FIGN: variants seen among roughly 807,000 people sequenced by gnomAD.
The protein encoded by FIGN is fidgetin, microtubule severing factor, also known as fidgetin.
A neutral mutation model predicts 51.3 loss-of-function variants in FIGN; 11 were observed. The observed-to-expected ratio is 0.21, with a 90% CI of 0.13 to 0.35. FIGN has a LOEUF of 0.35. Ranked by LOEUF, FIGN falls within the 10% of genes least tolerant of loss-of-function variation. The probability of loss-of-function intolerance (pLI) is 1.00; values close to 1 mark genes in which losing one functional copy is unlikely to be tolerated. For missense variants in FIGN, 857 were observed against 943.6 expected, an observed-to-expected ratio of 0.91 and a Z score of 1.20; for synonymous variants, 407 against 363.2, an observed-to-expected ratio of 1.12 and a Z score of -1.37.
intron 2 of FIGN, among the ~76,000 whole-genome samples, chr2:163,613,517 A>C (rs780101804): frequency 3.9e-5 from 6 of 152,042 alleles, no homozygotes; most frequent in Non-Finnish European, 4.4e-5. Flanking sequence ...AACTGAACAT[A>C]ACACACAGTT....
In FIGN at chr2:163,605,636, A is replaced by G. The variant is rs1319478374; in HGVS notation, c.*3916T>C. The stretch of plus-strand genomic sequence containing the variant: ...ACATACAAACACACACACTAATTTT[A>G]TATTTATATATATATATTAGAACTT... On this transcript the variant is annotated 3_prime_UTR_variant, in exon 3 of 3. Transcript: ENST00000333129. 1 of 151,550 alleles carries G rather than the reference A, an allele frequency of 6.6e-6. No individual in the cohort carries two copies. The highest frequency in any genetic ancestry group is 1.5e-5 in the Non-Finnish European group (1 of 67,906). The allele number at this position is 151,550 out of a possible 1,614,324, so 9.4% of individuals were successfully genotyped here. A position where few individuals can be genotyped will look rare whatever the true frequency, so the allele number is the denominator to read the frequency against.
intron 2 of FIGN, 67 bp downstream of exon 2, chr2:163,734,836 T>G (rs1257117099): frequency 6.7e-7 from 1 of 1,491,410 alleles, no homozygotes; most frequent in African/African-American, 1.4e-5. Flanking sequence ...TTCAATGGTT[T>G]TATCATGCTA....
At chr2:163,703,514 A>G (rs964403333) in intron 2 of FIGN, among the ~76,000 whole-genome samples, 1 of 152,178 alleles carries the variant, frequency 6.6e-6, no homozygotes, top group African/African-American at 2.4e-5. Flanking sequence ...CAGGCATGTG[A>G]CAGAAAGTGC....
In FIGN at chr2:163,603,286, A is replaced by G. The variant is rs1234963242; in HGVS notation, c.*6266T>C. ...CAAATAAGGAAACAGTACTAGAATA[A>G]CCCAAAGAAACATGTACTATATAGG... On this transcript the variant is annotated 3_prime_UTR_variant, in exon 3 of 3. Coordinates refer to ENST00000333129, the MANE Select transcript of FIGN (RefSeq NM_018086.4). 6.6e-6 allele frequency: 1 copy of G among 152,078 alleles called. No homozygotes were observed. The highest frequency in any genetic ancestry group is 2.4e-5 in the African/African-American group (1 of 41,430). 9.4% of individuals were successfully genotyped at this position (152,078 alleles called of 1,614,324 possible).
rs915560354 is a variant in FIGN, at chr2:163,607,153, A to G, written c.*2399T>C. The G allele has an allele frequency of 1.3e-5, 2 of 152,194 alleles. No individual in the cohort carries two copies. Among genetic ancestry groups the G allele is most frequent in the Admixed American group, 1.3e-4 (2 of 15,262 alleles). The allele number at this position is 152,194 out of a possible 1,614,324, so 9.4% of individuals were successfully genotyped here. Reference sequence around the variant, plus strand: ...TGGCGGAAATGAAATATAATGTCTAAAAGTCAGAAAATAGGTCAGCACTGT... The same window carrying G: ...TGGCGGAAATGAAATATAATGTCTAGAAGTCAGAAAATAGGTCAGCACTGT... On this transcript the variant is annotated 3_prime_UTR_variant, in exon 3 of 3. Transcript: ENST00000333129.
At chr2:163,624,428 G>GAA (rs377256970) in intron 2 of FIGN, among the ~76,000 whole-genome samples, 1 of 129,090 alleles carries the variant, frequency 7.7e-6, no homozygotes, top group Non-Finnish European at 1.7e-5. Context: ...AGAAGAGAAA[G>GAA]AAAAAAAAAA....
chr2:163,662,135 T>G (rs1422087956), intron 2 of FIGN, among the ~76,000 whole-genome samples: 1 of 152,118 alleles, frequency 6.6e-6, no homozygotes, highest in East Asian at 1.9e-4. Flanking sequence ...AATGGTGATA[T>G]CAATATTGAC....
intron 2 of FIGN, among the ~76,000 whole-genome samples, chr2:163,641,073 C>G (rs1247277712): frequency 2.0e-5 from 3 of 152,186 alleles, no homozygotes; most frequent in Non-Finnish European, 4.4e-5. Flanking sequence ...ACGTGCTACG[C>G]TGGGCTTTAC....
At chr2:163,695,182 T>G (rs1158602414) in intron 2 of FIGN, among the ~76,000 whole-genome samples, 1 of 152,188 alleles carries the variant, frequency 6.6e-6, no homozygotes, top group African/African-American at 2.4e-5. Context: ...TTAGAAGGTG[T>G]CTATATTTGA....
intron 2 of FIGN, among the ~76,000 whole-genome samples, chr2:163,715,150 G>C (rs1406639134): frequency 6.6e-6 from 1 of 152,188 alleles, no homozygotes; most frequent in Non-Finnish European, 1.5e-5. Flanking sequence ...GCATCATGTT[G>C]ATCTACCATA....
chr2:163,675,731 T>G (rs10445756), intron 2 of FIGN, among the ~76,000 whole-genome samples: 1 of 135,158 alleles, frequency 7.4e-6, no homozygotes, highest in Non-Finnish European at 1.6e-5. Context: ...TTTTTTTTTG[T>G]ACAAGCATGT....
At chr2:163,684,928 C>G (rs1016111500) in intron 2 of FIGN, among the ~76,000 whole-genome samples, 3 of 149,816 alleles carry the variant, frequency 2.0e-5, no homozygotes, top group African/African-American at 7.4e-5. Flanking sequence ...CGGGAGCCAC[C>G]ATGCCTGGCT....
intron 2 of FIGN, among the ~76,000 whole-genome samples, chr2:163,733,157 ACATCATTTGCACAT>A: frequency 6.6e-6 from 1 of 152,338 alleles, no homozygotes; most frequent in East Asian, 1.9e-4. Context: ...TCCTAAGTTA[ACATCATTTGCACAT>A]CGGACATTTA....
chr2:163,663,030 CA>C (rs1683714888), intron 2 of FIGN, among the ~76,000 whole-genome samples: 1 of 152,108 alleles, frequency 6.6e-6, no homozygotes, highest in African/African-American at 2.4e-5. Flanking sequence ...TCTTTGTCAG[CA>C]GCTTGAAAAC....
chr2:163,627,948 G>A (rs1683081881), intron 2 of FIGN, among the ~76,000 whole-genome samples: 1 of 152,036 alleles, frequency 6.6e-6, no homozygotes, highest in Non-Finnish European at 1.5e-5. Context: ...GAGAATATAG[G>A]TTACAGAGAA....
At chr2:163,620,545 C>T (rs1682950856) in intron 2 of FIGN, among the ~76,000 whole-genome samples, 1 of 152,070 alleles carries the variant, frequency 6.6e-6, no homozygotes, top group South Asian at 2.1e-4. Flanking sequence ...AGCATCCAGC[C>T]TGTATGATTG....
chr2:163,680,835 A>C (rs1398498206), intron 2 of FIGN, among the ~76,000 whole-genome samples: 4 of 151,822 alleles, frequency 2.6e-5, no homozygotes, highest in African/African-American at 4.8e-5. Context: ...TTTTCATTAG[A>C]TTCTGAGCTC....
intron 2 of FIGN, among the ~76,000 whole-genome samples, chr2:163,730,522 G>GTA (rs1037181838): frequency 7.2e-5 from 11 of 151,792 alleles, no homozygotes; most frequent in South Asian, 2.1e-4. Context: ...GTGTGTGTGT[G>GTA]TGTGTGTGTG....
chr2:163,627,977 A>G (rs1035671747), intron 2 of FIGN, among the ~76,000 whole-genome samples: 9 of 152,304 alleles, frequency 5.9e-5, no homozygotes, highest in Non-Finnish European at 1.2e-4. Flanking sequence ...GTAAGTCTCA[A>G]AATTAGAATA....
Sources: gnomAD v4.1 joint callset for allele counts (sites outside exome capture counted in the v4.1 genomes callset) on GRCh38, gnomAD v4.1.1 for gene constraint, MANE v1.5 for transcripts, NCBI Gene and HGNC (gene_info 2026-07-23, HGNC 2026-07-21) for gene names.